The following MARF1 variants were observed in gnomAD, a reference collection of about 807,000 sequenced individuals.
MARF1 encodes limkain-b1.
A neutral mutation model predicts 168.2 loss-of-function variants in MARF1; 24 were observed. The ratio of observed to expected loss-of-function variants is 0.14; its 90% CI spans 0.10 to 0.20. MARF1 has a LOEUF of 0.20. MARF1 is among the 10% of genes least tolerant of loss of function. The probability of loss-of-function intolerance (pLI) is 1.00; values close to 1 mark genes in which losing one functional copy is unlikely to be tolerated. For synonymous variants in MARF1, 868 were observed against 822.4 expected (o/e 1.06, Z -0.95); for missense variants, 1,744 against 2,143.6 (o/e 0.81, Z 3.68).
chr16:15,599,513 C>T (rs2032181814), intron 25 of MARF1, among the ~76,000 whole-genome samples: 1 of 152,192 alleles, frequency 6.6e-6, no homozygotes, highest in Non-Finnish European at 1.5e-5. Context: ...GCAGCTTCGG[C>T]AGATGATTCC....
chr16:15,616,052 A>G, intron 15 of MARF1, 47 bp from the exon 16 acceptor site: 2 of 1,401,722 alleles, frequency 1.4e-6, no homozygotes, highest in Non-Finnish European at 1.9e-6. Flanking sequence ...AAATCAAAAT[A>G]ACAGAAAAGG....
intron 16 of MARF1, among the ~76,000 whole-genome samples, chr16:15,613,482 T>C (rs2033754994): frequency 6.6e-6 from 1 of 151,546 alleles, no homozygotes; most frequent in Non-Finnish European, 1.5e-5. Context: ...ACCCCGTCTC[T>C]ACTAAAAATA....
chr16:15,628,322 A>G (rs142978293), intron 7 of MARF1, among the ~76,000 whole-genome samples: 27 of 152,300 alleles, frequency 1.8e-4, no homozygotes, highest in African/African-American at 6.5e-4. Context: ...TCTGGAGGGT[A>G]GAATTGTGGG....
chr16:15,615,797 T>G, intron 16 of MARF1, 33 bp downstream of exon 16: 1 of 1,463,834 alleles, frequency 6.8e-7, no homozygotes, highest in South Asian at 1.5e-5. Context: ...AGTGGACAGG[T>G]GGTAGCTCCA....
chr16:15,629,971 C>T (rs959405125), intron 7 of MARF1, among the ~76,000 whole-genome samples: 1 of 152,156 alleles, frequency 6.6e-6, no homozygotes, highest in South Asian at 2.1e-4. Context: ...ATGTGAGAAC[C>T]CTCGCCATAT....
At chr16:15,612,403 G>A (rs74639849) in intron 17 of MARF1, among the ~76,000 whole-genome samples, 154 bp downstream of exon 17, 12 of 152,364 alleles carry the variant, frequency 7.9e-5, no homozygotes, top group Non-Finnish European at 1.8e-4. Context: ...GAAGCCGCCT[G>A]TGTGTGTTAT....
At chr16:15,619,051 G>A (rs1036585540) in intron 13 of MARF1, among the ~76,000 whole-genome samples, 2 of 152,184 alleles carry the variant, frequency 1.3e-5, no homozygotes, top group African/African-American at 2.4e-5. Flanking sequence ...CTAGGAGGGA[G>A]AATCACTTGA....
chr16:15,630,249 T>C (rs2035159243), intron 7 of MARF1, 83 bp downstream of exon 7: 2 of 1,332,508 alleles, frequency 1.5e-6, no homozygotes, highest in Non-Finnish European at 1.0e-6. Flanking sequence ...CATCTGGGCC[T>C]GGCAACCCCC....
chr16:15,633,175 C>CCACA (rs140240605), intron 5 of MARF1, among the ~76,000 whole-genome samples: 7,376 of 136,876 alleles, frequency 0.054, 275 homozygotes, highest in Non-Finnish European at 0.066. Context: ...AAAAAAAACA[C>CCACA]CACACACACA....
At chr16:15,626,762 C>G (rs1168555542) in intron 7 of MARF1, among the ~76,000 whole-genome samples, 1 of 151,898 alleles carries the variant, frequency 6.6e-6, no homozygotes, top group African/African-American at 2.4e-5. Context: ...GAGTTGGCGA[C>G]CAGCCTGACC....
intron 7 of MARF1, among the ~76,000 whole-genome samples, chr16:15,627,750 A>G (rs553896699): frequency 9.9e-5 from 15 of 152,254 alleles, no homozygotes; most frequent in African/African-American, 2.7e-4. Context: ...GATGTGAACA[A>G]TTTACAGAAG....
chr16:15,637,784 AATGACCCAAATTACTTG>A (rs1215571029), intron 2 of MARF1, among the ~76,000 whole-genome samples: 1 of 152,198 alleles, frequency 6.6e-6, no homozygotes, highest in Non-Finnish European at 1.5e-5. Flanking sequence ...ACACTCCTAA[AATGACCCAAATTACTTG>A]ATGTCTTGCA....
chr16:15,640,578 C>G (rs971767901), intron 1 of MARF1, among the ~76,000 whole-genome samples: 1 of 152,056 alleles, frequency 6.6e-6, no homozygotes, highest in Admixed American at 6.5e-5. Flanking sequence ...TGCCTGTAGC[C>G]CCATCTACTC....
chr16:15,625,724 C>T lies in MARF1; in HGVS notation c.1601G>A (p.Arg534His). Reference protein sequence around the residue: ...DGKSVSNRLRRLSDNCGGKVL... With the variant: ...DGKSVSNRLRHLSDNCGGKVL... ...TTTCCCACCACAATTATCGGACAGGCGTCTGAGCCTGTTGCTGACGCTCTT... is the reference window on the plus strand; with the variant it reads ...TTTCCCACCACAATTATCGGACAGGTGTCTGAGCCTGTTGCTGACGCTCTT... Residue 534 changes from arginine (R) to histidine (H), a missense_variant, in exon 8 of 27, where the codon CGC becomes CAC. Transcript: ENST00000396368. 2 of 1,614,186 alleles carry T rather than the reference C, an allele frequency of 1.2e-6. No individual in the cohort carries two copies. Among genetic ancestry groups the T allele is most frequent in the Non-Finnish European group, 1.7e-6 (2 of 1,180,022 alleles).
chr16:15,602,991 G>GT (rs2032656946), intron 22 of MARF1, among the ~76,000 whole-genome samples: 2 of 152,222 alleles, frequency 1.3e-5, no homozygotes, highest in South Asian at 4.1e-4. Context: ...TTTTCAAAGT[G>GT]TTTAACATGC....
chr16:15,597,537 C>G (rs895407994), intron 26 of MARF1, among the ~76,000 whole-genome samples: 2 of 151,314 alleles, frequency 1.3e-5, no homozygotes, highest in Non-Finnish European at 3.0e-5. Flanking sequence ...AATTCACCTG[C>G]TCTACACACA....
chr16:15,598,597 C>T (rs946915343), intron 26 of MARF1, among the ~76,000 whole-genome samples: 9 of 151,114 alleles, frequency 6.0e-5, no homozygotes, highest in Non-Finnish European at 1.0e-4. Context: ...CCCCTGTGGA[C>T]TCGCCCACAG....
Position 15,598,902 on chromosome 16 carries a change from G to C in MARF1, c.4936C>G (p.Gln1646Glu). 6.2e-7 allele frequency: 1 copy of C among 1,614,026 alleles called. No individual in the cohort carries two copies. The highest frequency in any genetic ancestry group is 8.5e-7 in the Non-Finnish European group (1 of 1,180,006). ...PQLRPDPVIL[Q>E]SADLIQFEER... ...TCAAACTGAATGAGATCAGCAGATT[G>C]GAGGATAACGGGGTCTGGTCTCAGC... The change falls in exon 26 of 27, where the codon CAA becomes GAA. Residue 1646 changes from glutamine to glutamate, a missense_variant. Around this residue, in one of 7 missense-constraint regions of MARF1, gnomAD observed 313 missense variants for 337.4 expected, o/e 0.93. Coordinates refer to ENST00000396368, the MANE Select transcript of MARF1 (RefSeq NM_014647.4).
chr16:15,602,351 T>G (rs1033203172), intron 22 of MARF1, 148 bp from the exon 23 acceptor site: 1 of 648,340 alleles, frequency 1.5e-6, no homozygotes, highest in African/African-American at 1.8e-5. Flanking sequence ...AAGATGAAGA[T>G]GAAGAAGGAG....
Sources: allele counts gnomAD v4.1 joint callset (sites outside exome capture counted in the v4.1 genomes callset), GRCh38; gene constraint gnomAD v4.1.1; regional missense constraint gnomAD v4.1.1; transcripts MANE v1.5; gene names NCBI Gene and HGNC (gene_info 2026-07-23, HGNC 2026-07-21).